Variants in ASGR2 observed in about 807,000 individuals in gnomAD.
ASGR2 encodes the protein asialoglycoprotein receptor 2.
A neutral mutation model predicts 32.3 loss-of-function variants in ASGR2; 34 were observed. The observed-to-expected ratio is 1.05, with a 90% CI of 0.80 to 1.40. ASGR2 has a LOEUF of 1.40. ASGR2 is among the 40% of genes most tolerant of loss of function. The pLI is 0.00. For synonymous variants in ASGR2, 143 were observed against 150.0 expected (o/e 0.95, Z 0.34); for missense variants, 385 against 386.4 (o/e 1.00, Z 0.03).
intron 2 of ASGR2, among the ~76,000 whole-genome samples, chr17:7,109,827 C>T (rs1487488722): frequency 2.6e-5 from 4 of 152,056 alleles, no homozygotes; most frequent in Non-Finnish European, 5.9e-5. Flanking sequence ...CCCTCCCACA[C>T]ACACACACCT....
rs764023440 is a variant in ASGR2 at position 7,107,925 on chromosome 17, G to A, written c.338-18C>T. On this transcript the variant is annotated intron_variant, in intron 4 of 8. Transcript: ENST00000691900. The surrounding 1 kb of genome is among the most constrained non-coding windows in gnomAD (Gnocchi z 5.0). Reference sequence around the variant, plus strand: ...GCTGCCTCCTGGAAGCGGAAAGCCAGCTGTTTCCCCGCTGAGCCTCCCTCC... The same window carrying A: ...GCTGCCTCCTGGAAGCGGAAAGCCAACTGTTTCCCCGCTGAGCCTCCCTCC... 6.2e-7 allele frequency: 1 copy of A among 1,613,744 alleles called. No homozygotes were observed. The highest frequency in any genetic ancestry group is 1.1e-5 in the South Asian group (1 of 91,044).
intron 2 of ASGR2, among the ~76,000 whole-genome samples, chr17:7,109,191 T>A (rs894509140): frequency 4.0e-5 from 6 of 149,194 alleles, no homozygotes; most frequent in Non-Finnish European, 4.5e-5. Context: ...GCTGGGGGAC[T>A]GGGAGACGCA....
intron 7 of ASGR2, among the ~76,000 whole-genome samples, chr17:7,106,218 G>T (rs1913664879): frequency 6.6e-6 from 1 of 152,162 alleles, no homozygotes; most frequent in Non-Finnish European, 1.5e-5. Context: ...AGAAACAAAA[G>T]GATGGACAGA....
Position 7,102,262 on chromosome 17 carries a change from TG to T in ASGR2, c.649-67del, listed in dbSNP as rs1912951011. 6 of 1,374,418 alleles carry T rather than the reference TG, an allele frequency of 4.4e-6. No homozygotes were observed. In the South Asian group the frequency reaches 7.1e-5, roughly 16 times the overall value. 85.1% of individuals were successfully genotyped at this position (1,374,418 alleles called of 1,614,324 possible). A position where few individuals can be genotyped will look rare whatever the true frequency, so the allele number is the denominator to read the frequency against. On this transcript the variant is annotated intron_variant, in intron 7 of 8. Transcript: ENST00000691900. ...CCTTTCTCCTCCCTCCATGCAGGCA[TG>T]GAACTGTGGCCCCTCTCAGCCTTCC... is the stretch of plus-strand genomic sequence containing the variant.
intron 7 of ASGR2, among the ~76,000 whole-genome samples, chr17:7,103,844 A>G (rs1913198202): frequency 6.6e-6 from 1 of 152,172 alleles, no homozygotes; most frequent in Non-Finnish European, 1.5e-5. Flanking sequence ...GGTTTGTTAC[A>G]TATGTATACA....
Position 7,108,822 on chromosome 17 carries a change from A to G in ASGR2, c.191T>C (p.Leu64Pro). The change falls in exon 3 of 9, where the codon CTG (leucine) becomes CCG (proline). Residue 64 changes from leucine (L) to proline (P), a missense_variant. Leu to Pro is a moderately conservative substitution (Grantham distance 98). Transcript: ENST00000691900. This position sits in a 1 kb window ranked among gnomAD's most constrained non-coding sequence, Gnocchi z 4.9. ...CSMVCFSLLA[L>P]SFNILLLVVI... is the part of the protein sequence containing the mutation. ...CACCAGCAGCAGGATGTTGAAGCTC[A>G]GGGCAAGCAGACTGAAGCAGACCAT... 1 of 1,613,968 alleles carries G rather than the reference A, an allele frequency of 6.2e-7. No individual in the cohort carries two copies.
In ASGR2 at chr17:7,107,720, C is replaced by G; in HGVS notation, c.409+116G>C. 2 of 1,220,178 alleles carry G rather than the reference C, an allele frequency of 1.6e-6. No individual in the cohort carries two copies. Among genetic ancestry groups the G allele is most frequent in the South Asian group, 1.3e-5 (1 of 76,664 alleles). 75.6% of individuals were successfully genotyped at this position (1,220,178 alleles called of 1,614,324 possible). On this transcript the variant is annotated intron_variant, in intron 5 of 8. Transcript: ENST00000691900. The surrounding 1 kb of genome is among the most constrained non-coding windows in gnomAD (Gnocchi z 5.0). Reference sequence around the variant, plus strand: ...AGACACAGATACACATGCTTGCAGGCACACACACGCACGCACGCACACGTG... The same window carrying G: ...AGACACAGATACACATGCTTGCAGGGACACACACGCACGCACGCACACGTG...
chr17:7,110,795 G>C (rs941647548), intron 2 of ASGR2, among the ~76,000 whole-genome samples: 5 of 152,192 alleles, frequency 3.3e-5, no homozygotes, highest in African/African-American at 1.2e-4. Flanking sequence ...GAACATGGCA[G>C]CTTTCAAGAC....
intron 7 of ASGR2, among the ~76,000 whole-genome samples, chr17:7,106,073 C>T (rs567484665): frequency 6.6e-6 from 1 of 152,254 alleles, no homozygotes; most frequent in South Asian, 2.1e-4. Context: ...AGGCGTGAGC[C>T]ACTGCACCCG....
At position 7,101,732 on chromosome 17, in the gene ASGR2, G is replaced by T; in HGVS notation, c.764C>A (p.Ala255Asp). Reference sequence around the variant, plus strand: ...GTGCCAATTATCTGGCTGAGTGACAGCCCAGTTCCTAAGGAGGCAAGAGAA... The same window carrying T: ...GTGCCAATTATCTGGCTGAGTGACATCCCAGTTCCTAAGGAGGCAAGAGAA... ...TDYRHNYKNW[A>D]VTQPDNWHGH... Residue 255 changes from alanine (A) to aspartate (D), a missense_variant, in exon 9 of 9, where the codon GCT (alanine) becomes GAT (aspartate). By Grantham distance (126) the Ala-to-Asp change is moderately radical. Transcript: ENST00000691900. The T allele has an allele frequency of 6.2e-7, 1 of 1,613,672 alleles. No individual in the cohort carries two copies. Among genetic ancestry groups the T allele is most frequent in the South Asian group, 1.1e-5 (1 of 91,062 alleles).
In ASGR2 at chr17:7,114,327, G is replaced by A. The variant is rs1915198364; in HGVS notation, c.-70-17C>T. On this transcript the variant is annotated splice_polypyrimidine_tract_variant and intron_variant, in intron 1 of 8. Transcript: ENST00000691900. This position sits in a 1 kb window ranked among gnomAD's most constrained non-coding sequence, Gnocchi z 4.5. ...GGGCTGGGGCTGGGGCAGAGGTGCA[G>A]ATTCACGTGGAGGTTGATGGTGGGA... 1 of 1,321,822 alleles carries A rather than the reference G, an allele frequency of 7.6e-7. No individual in the cohort carries two copies. Among genetic ancestry groups the A allele is most frequent in the African/African-American group, 1.5e-5 (1 of 66,720 alleles). The allele number at this position is 1,321,822 out of a possible 1,614,324, so 81.9% of individuals were successfully genotyped here.
In ASGR2 at chr17:7,114,102, A is replaced by C. The variant is rs1171444093; in HGVS notation, c.124+15T>G. On this transcript the variant is annotated intron_variant, in intron 2 of 8. Transcript: ENST00000691900. This position sits in a 1 kb window ranked among gnomAD's most constrained non-coding sequence, Gnocchi z 4.5. ...AGACAGAGGGGGAGCAAAGCCGCAG[A>C]AACTGCACACTTGCCTTTCAAAAAT... The C allele has an allele frequency of 6.2e-7, 1 of 1,614,020 alleles. No individual in the cohort carries two copies. Among genetic ancestry groups the C allele is most frequent in the African/African-American group, 1.3e-5 (1 of 74,944 alleles).
chr17:7,114,275 G>T lies in ASGR2; in HGVS notation c.-35C>A. The T allele has an allele frequency of 4.3e-6, 7 of 1,610,198 alleles. No homozygotes were observed. The highest frequency in any genetic ancestry group is 5.1e-6 in the Non-Finnish European group (6 of 1,178,918). On this transcript the variant is annotated 5_prime_UTR_variant, in exon 2 of 9. Coordinates refer to ENST00000691900, the MANE Select transcript of ASGR2 (RefSeq NM_001201352.2). This position sits in a 1 kb window ranked among gnomAD's most constrained non-coding sequence, Gnocchi z 4.5. ...CGGGCTGGAGCTGGAGCTGGAGCTG[G>T]GCTGGGCTGGGCTGAGGTTGCTCTG...
At chr17:7,103,216 A>G (rs1465322738) in intron 7 of ASGR2, among the ~76,000 whole-genome samples, 2 of 152,222 alleles carry the variant, frequency 1.3e-5, no homozygotes, top group Non-Finnish European at 2.9e-5. Flanking sequence ...CTCTCTAGAA[A>G]AACAACTAAG....
chr17:7,104,393 T>C (rs2120253), intron 7 of ASGR2, among the ~76,000 whole-genome samples: 3,369 of 143,222 alleles, frequency 0.024, 110 homozygotes, highest in African/African-American at 0.075. Context: ...GGCTCATGCC[T>C]GTAATCCTAG....
chr17:7,101,371 G>T lies in ASGR2; in HGVS notation c.*204C>A. The T allele has an allele frequency of 3.3e-6, 2 of 599,614 alleles. No individual in the cohort carries two copies. Among genetic ancestry groups the T allele is most frequent in the Non-Finnish European group, 5.6e-6 (2 of 358,306 alleles). 37.1% of individuals were successfully genotyped at this position (599,614 alleles called of 1,614,324 possible). A position where few individuals can be genotyped will look rare whatever the true frequency, so the allele number is the denominator to read the frequency against. On this transcript the variant is annotated 3_prime_UTR_variant, in exon 9 of 9. Transcript: ENST00000691900. Reference sequence around the variant, plus strand: ...TTCCTACGCCATTGAAGAGGCTGACGATTATAATAATTACAATGAATTACA... The same window carrying T: ...TTCCTACGCCATTGAAGAGGCTGACTATTATAATAATTACAATGAATTACA...
rs775322908 is a variant in ASGR2, at chr17:7,107,310, A to G, written c.417T>C (p.Asp139=). The change falls in exon 6 of 9, where the codon GAT becomes GAC. Residue 139 remains aspartate (D), a synonymous_variant. Coordinates refer to ENST00000691900, the MANE Select transcript of ASGR2 (RefSeq NM_001201352.2). The surrounding 1 kb of genome is among the most constrained non-coding windows in gnomAD (Gnocchi z 5.0). Reference sequence around the variant, plus strand: ...AGTGCTTCAGATGGAAGAGCAGGGCATCGTGATCTAGGACAGACAGGCTGA... The same window carrying G: ...AGTGCTTCAGATGGAAGAGCAGGGCGTCGTGATCTAGGACAGACAGGCTGA... ...KQQQDLKADH[D]ALLFHLKHFP... 21 of 1,613,158 alleles carry G rather than the reference A, an allele frequency of 1.3e-5. No homozygotes were observed. The Admixed American group carries it at 3.3e-4, about 26-fold the overall frequency.
intron 7 of ASGR2, among the ~76,000 whole-genome samples, chr17:7,103,370 C>A (rs1356514455): frequency 1.3e-5 from 2 of 152,222 alleles, no homozygotes; most frequent in Non-Finnish European, 2.9e-5. Context: ...TCAGAGGAGT[C>A]AACGGAGTTG....
Position 7,113,401 on chromosome 17 carries a change from ACACT to A in ASGR2, c.124+712_124+715del, listed in dbSNP as rs1914986907. On this transcript the variant is annotated intron_variant, in intron 2 of 8. Coordinates refer to ENST00000691900, the MANE Select transcript of ASGR2 (RefSeq NM_001201352.2). The surrounding 1 kb of genome is among the most constrained non-coding windows in gnomAD (Gnocchi z 5.1). ...CTCACAACATACACACACAACACAC[ACACT>A]CGCACAACATACACACACGCACAAC... Among the ~76,000 whole-genome samples the A allele has an allele frequency of 6.6e-6, 1 of 151,124 alleles. No individual in the cohort carries two copies. The highest frequency in any genetic ancestry group is 1.5e-5 in the Non-Finnish European group (1 of 67,746).
Sources: allele counts gnomAD v4.1 joint callset (sites outside exome capture counted in the v4.1 genomes callset), GRCh38; gene constraint gnomAD v4.1.1; non-coding constraint Gnocchi (gnomAD v3.1); transcripts MANE v1.5; gene names NCBI Gene and HGNC (gene_info 2026-07-23, HGNC 2026-07-21).